The following ADARB1 variants were observed in gnomAD, a reference collection of about 807,000 sequenced individuals.
The protein encoded by ADARB1 is double-stranded RNA-specific editase 1.
Under a neutral mutation model 52.4 loss-of-function variants are expected in ADARB1, and 10 were observed. The observed-to-expected ratio is 0.19, with a 90% CI of 0.12 to 0.32. The LOEUF (loss-of-function observed/expected upper bound fraction) is 0.32. Among genes scored for constraint, ADARB1 ranks in the 10% least tolerant of loss-of-function variants. The pLI is 1.00. For missense variants in ADARB1, 643 were observed against 922.3 expected, an observed-to-expected ratio of 0.70 and a Z score of 3.92; for synonymous variants, 349 against 371.1, an observed-to-expected ratio of 0.94 and a Z score of 0.68.
Position 45,176,907 on chromosome 21 carries a change from G to A in ADARB1, c.963+243G>A, listed in dbSNP as rs1472766111. 1.3e-5 allele frequency among the ~76,000 whole-genome samples: 2 copies of A among 152,060 alleles called. No individual in the cohort carries two copies. Among genetic ancestry groups the A allele is most frequent in the East Asian group, 1.9e-4 (1 of 5,192 alleles). On this transcript the variant is annotated intron_variant, in intron 4 of 10. Transcript: ENST00000348831. This position sits in a 1 kb window ranked among gnomAD's most constrained non-coding sequence, Gnocchi z 5.8. ...GCAAGGCAGGGACACCTGAGACCCCGTCCACCAGAGCAGTGTTTACAACAC... is the reference window on the plus strand; with the variant it reads ...GCAAGGCAGGGACACCTGAGACCCCATCCACCAGAGCAGTGTTTACAACAC...
chr21:45,153,882 C>G (rs768913640), intron 2 of ADARB1, among the ~76,000 whole-genome samples: 2 of 152,116 alleles, frequency 1.3e-5, no homozygotes, highest in Non-Finnish European at 2.9e-5. Flanking sequence ...GTTTTTGTTT[C>G]CTCAGTTAAG....
chr21:45,088,171 C>G (rs968898009), intron 1 of ADARB1, among the ~76,000 whole-genome samples: 5 of 152,142 alleles, frequency 3.3e-5, no homozygotes, highest in Non-Finnish European at 7.3e-5. Context: ...AGTGATACAC[C>G]TACATATGCA....
In ADARB1 at chr21:45,222,215, G is replaced by C. The variant is rs778603815; in HGVS notation, c.*18G>C. On this transcript the variant is annotated 3_prime_UTR_variant, in exon 11 of 11. Transcript: ENST00000348831. ...CGCCCTGACCCGGGCAGACATGATG[G>C]GGGGTGCAGGGGGCTGTGGGCATCC... 1.6e-5 allele frequency: 24 copies of C among 1,535,622 alleles called. No homozygotes were observed. The highest frequency in any genetic ancestry group is 2.1e-5 in the Non-Finnish European group (24 of 1,146,086).
intron 2 of ADARB1, among the ~76,000 whole-genome samples, chr21:45,146,915 A>G (rs576979823): frequency 6.6e-6 from 1 of 152,298 alleles, no homozygotes; most frequent in South Asian, 2.1e-4. Flanking sequence ...TTCTCCAGAA[A>G]TTCTGGCTCC....
chr21:45,201,307 A>G (rs1417116939), intron 8 of ADARB1, among the ~76,000 whole-genome samples: 9 of 152,120 alleles, frequency 5.9e-5, no homozygotes, highest in Admixed American at 2.6e-4. Flanking sequence ...GTGCCACACC[A>G]TTTCCCACCC....
At chr21:45,162,386 C>G (rs1161811830) in intron 2 of ADARB1, among the ~76,000 whole-genome samples, 1 of 152,206 alleles carries the variant, frequency 6.6e-6, no homozygotes, top group African/African-American at 2.4e-5. Flanking sequence ...CGCCCACTCA[C>G]TCACACACCC....
At chr21:45,075,410 G>C (rs1337556279) in intron 1 of ADARB1, among the ~76,000 whole-genome samples, 1 of 151,950 alleles carries the variant, frequency 6.6e-6, no homozygotes, top group Non-Finnish European at 1.5e-5. Flanking sequence ...GCTGTGCCAC[G>C]GGAGTGGAGA....
chr21:45,213,735 C>G (rs556103685), intron 9 of ADARB1, among the ~76,000 whole-genome samples: 1 of 152,172 alleles, frequency 6.6e-6, no homozygotes, highest in African/African-American at 2.4e-5. Context: ...TAGTTCATTC[C>G]TTTTCATTGC....
In ADARB1 at chr21:45,220,318, C is replaced by T. The variant is rs1465133210; in HGVS notation, c.1748-518C>T. On this transcript the variant is annotated intron_variant, in intron 9 of 10. Coordinates refer to ENST00000348831, the MANE Select transcript of ADARB1 (RefSeq NM_001112.4). The surrounding 1 kb of genome is among the most constrained non-coding windows in gnomAD (Gnocchi z 6.3). Reference sequence around the variant, plus strand: ...TTCCTATTGCATCATGGATGTCACACATGCAAAGCCACGTGACCTGAACAT... The same window carrying T: ...TTCCTATTGCATCATGGATGTCACATATGCAAAGCCACGTGACCTGAACAT... Among the ~76,000 whole-genome samples, 1 of 152,166 alleles carries T rather than the reference C, an allele frequency of 6.6e-6. No individual in the cohort carries two copies. Among genetic ancestry groups the T allele is most frequent in the Non-Finnish European group, 1.5e-5 (1 of 68,028 alleles).
intron 2 of ADARB1, among the ~76,000 whole-genome samples, chr21:45,162,517 G>A (rs201276470): frequency 6.6e-6 from 1 of 152,144 alleles, no homozygotes; most frequent in Admixed American, 6.5e-5. Flanking sequence ...AGCAAAACTC[G>A]GGTAAAGGCG....
intron 1 of ADARB1, among the ~76,000 whole-genome samples, chr21:45,109,537 C>T (rs1320599371): frequency 6.6e-6 from 1 of 152,248 alleles, no homozygotes; most frequent in Non-Finnish European, 1.5e-5. Flanking sequence ...TCGCCTGCGT[C>T]ACCACTTCCT....
chr21:45,201,033 A>G (rs906061945), intron 8 of ADARB1, among the ~76,000 whole-genome samples: 1 of 152,166 alleles, frequency 6.6e-6, no homozygotes, highest in South Asian at 2.1e-4. Context: ...GAGTGGGGAC[A>G]CCTGTAGGTT....
Position 45,176,655 on chromosome 21 carries a change from T to A in ADARB1, c.954T>A (p.His318Gln). ...TTCCCAGTGAGGGTCTTCAGCTGCA[T>A]TTACCGCAGGTGAGGAACTATGCTG... Reference protein sequence around the residue: ...QPIPSEGLQLHLPQVLADAVS... With the variant: ...QPIPSEGLQLQLPQVLADAVS... Residue 318 changes from histidine to glutamine, a missense_variant, in exon 4 of 11, where the codon CAT (histidine) becomes CAA (glutamine). Physicochemically the swap from His to Gln is conservative, Grantham distance 24. Coordinates refer to ENST00000348831, the MANE Select transcript of ADARB1 (RefSeq NM_001112.4). This position sits in a 1 kb window ranked among gnomAD's most constrained non-coding sequence, Gnocchi z 5.8. 2 of 1,607,516 alleles carry A rather than the reference T, an allele frequency of 1.2e-6. No individual in the cohort carries two copies. The highest frequency in any genetic ancestry group is 1.7e-6 in the Non-Finnish European group (2 of 1,176,630).
At chr21:45,112,743 C>T (rs909708965) in intron 1 of ADARB1, among the ~76,000 whole-genome samples, 2 of 152,136 alleles carry the variant, frequency 1.3e-5, no homozygotes, top group South Asian at 4.1e-4. Context: ...ACTGCTTGAA[C>T]AGGGACACTT....
At chr21:45,154,650 C>G (rs570588499) in intron 2 of ADARB1, among the ~76,000 whole-genome samples, 6 of 152,266 alleles carry the variant, frequency 3.9e-5, no homozygotes, top group Admixed American at 1.3e-4. Context: ...ATTATACTTG[C>G]AGTTACTGCC....
At chr21:45,118,103 T>G (rs2087932193) in intron 1 of ADARB1, among the ~76,000 whole-genome samples, 1 of 152,232 alleles carries the variant, frequency 6.6e-6, no homozygotes, top group African/African-American at 2.4e-5. Flanking sequence ...TATAGTATTA[T>G]GATAGTATAT....
chr21:45,131,404 T>C (rs564177653), intron 2 of ADARB1, among the ~76,000 whole-genome samples: 5 of 152,358 alleles, frequency 3.3e-5, no homozygotes, highest in Admixed American at 6.5e-5. Flanking sequence ...GTTAAAAGTA[T>C]AGAAAAATGC....
chr21:45,177,263 G>A (rs1403629774), intron 4 of ADARB1: 1 of 153,188 alleles, frequency 6.5e-6, no homozygotes, highest in African/African-American at 2.4e-5. Context: ...AGCGCAGGGA[G>A]GGAGGGGCCT....
chr21:45,156,431 T>TC (rs2090640468), intron 2 of ADARB1, among the ~76,000 whole-genome samples: 1 of 130,120 alleles, frequency 7.7e-6, no homozygotes, highest in African/African-American at 3.0e-5. Context: ...CCATCATCCA[T>TC]CATCCATTCG....
Sources: allele counts gnomAD v4.1 joint callset (sites outside exome capture counted in the v4.1 genomes callset), GRCh38; gene constraint gnomAD v4.1.1; non-coding constraint Gnocchi (gnomAD v3.1); transcripts MANE v1.5; gene names NCBI Gene and HGNC (gene_info 2026-07-23, HGNC 2026-07-21).